The following PROS1 variants were observed in gnomAD, a reference collection of about 807,000 sequenced individuals.
PROS1 encodes vitamin K-dependent protein S.
Under a neutral mutation model 75.9 loss-of-function variants are expected in PROS1, and 29 were observed. That is an observed-to-expected ratio of 0.38 (90% CI 0.28 to 0.52). The LOEUF (loss-of-function observed/expected upper bound fraction) is 0.52, where lower values mean the gene tolerates loss of function less well. PROS1 is among the 20% of genes least tolerant of loss of function. The probability of loss-of-function intolerance (pLI) is 0.83; values close to 1 mark genes in which losing one functional copy is unlikely to be tolerated. For synonymous variants in PROS1, 245 were observed against 280.6 expected (o/e 0.87, Z 1.27); for missense variants, 680 against 810.3 (o/e 0.84, Z 1.95).
chr3:93,909,552 T>A (rs1010961534), intron 4 of PROS1, among the ~76,000 whole-genome samples: 9 of 152,188 alleles, frequency 5.9e-5, no homozygotes, highest in Non-Finnish European at 8.8e-5. Flanking sequence ...ATTTGTTTTT[T>A]ATTTGTAATT....
At chr3:93,950,963 C>G (rs1408046685) in intron 1 of PROS1, among the ~76,000 whole-genome samples, 3 of 152,076 alleles carry the variant, frequency 2.0e-5, no homozygotes, top group Admixed American at 2.0e-4. Context: ...GAATGGCTAA[C>G]AGGAATAAAC....
At chr3:93,885,522 G>A (rs1198557380) in intron 11 of PROS1, among the ~76,000 whole-genome samples, 1 of 152,130 alleles carries the variant, frequency 6.6e-6, no homozygotes, top group Non-Finnish European at 1.5e-5. Flanking sequence ...CACCACGCCT[G>A]GCCTTGTTTT....
chr3:93,933,618 T>C (rs2107213050), intron 1 of PROS1, among the ~76,000 whole-genome samples: 1 of 151,464 alleles, frequency 6.6e-6, no homozygotes, highest in South Asian at 2.1e-4. Flanking sequence ...ATTGCATATA[T>C]TATTTAAAAA....
At chr3:93,958,945 G>T (rs928022546) in intron 1 of PROS1, among the ~76,000 whole-genome samples, 1 of 152,176 alleles carries the variant, frequency 6.6e-6, no homozygotes, top group Non-Finnish European at 1.5e-5. Flanking sequence ...AATCAATTTA[G>T]ATGTGAAAAT....
intron 6 of PROS1, among the ~76,000 whole-genome samples, chr3:93,905,270 G>A (rs545832455): frequency 8.5e-5 from 13 of 152,054 alleles, no homozygotes; most frequent in South Asian, 6.2e-4. Context: ...GTGTGTACAC[G>A]CACATACAAT....
chr3:93,932,639 G>T (rs1709122742), intron 1 of PROS1, among the ~76,000 whole-genome samples: 2 of 152,186 alleles, frequency 1.3e-5, no homozygotes, highest in Admixed American at 1.3e-4. Flanking sequence ...ACATGAACTG[G>T]AATTCTCTTT....
intron 12 of PROS1, among the ~76,000 whole-genome samples, chr3:93,884,427 G>T (rs529426310): frequency 6.6e-6 from 1 of 152,292 alleles, no homozygotes; most frequent in African/African-American, 2.4e-5. Flanking sequence ...TTCATTGATA[G>T]ACTCCATACA....
chr3:93,889,458 T>C (rs913058823), intron 10 of PROS1, among the ~76,000 whole-genome samples: 1 of 152,206 alleles, frequency 6.6e-6, no homozygotes, highest in African/African-American at 2.4e-5. Flanking sequence ...AGATAAGATG[T>C]AATCATTTAT....
At chr3:93,951,506 G>C (rs568486582) in intron 1 of PROS1, among the ~76,000 whole-genome samples, 3 of 152,274 alleles carry the variant, frequency 2.0e-5, no homozygotes, top group Admixed American at 1.3e-4. Context: ...AGCTTCATAA[G>C]TGAAGGAGAA....
chr3:93,911,569 C>T (rs1305835330), intron 3 of PROS1, among the ~76,000 whole-genome samples: 2 of 152,270 alleles, frequency 1.3e-5, no homozygotes, highest in East Asian at 3.9e-4. Context: ...GGTTGTTTGT[C>T]TCTGCTGCCA....
At chr3:93,916,067 C>T (rs1028670232) in intron 3 of PROS1, among the ~76,000 whole-genome samples, 1 of 152,048 alleles carries the variant, frequency 6.6e-6, no homozygotes, top group African/African-American at 2.4e-5. Context: ...TATTAAGGTG[C>T]TAATCATCTG....
rs779391826 is a variant in PROS1 at position 93,905,828 on chromosome 3, C to G, written c.557G>C (p.Cys186Ser). ...TGAAAGCATAACAAAACCATTTTTA[C>G]AGGAACAGTGGTAACTTCCAGGTGT... Reference protein sequence around the residue: ...DNTPGSYHCSCKNGFVMLSNK... With the variant: ...DNTPGSYHCSSKNGFVMLSNK... The change falls in exon 6 of 15, where the codon TGT becomes TCT. Residue 186 changes from cysteine to serine, a missense_variant. Coordinates refer to ENST00000394236, the MANE Select transcript of PROS1 (RefSeq NM_000313.4). 6.2e-7 allele frequency: 1 copy of G among 1,612,814 alleles called. No individual in the cohort carries two copies. The highest frequency in any genetic ancestry group is 8.5e-7 in the Non-Finnish European group (1 of 1,179,018).
rs148724533 is a variant in PROS1 at position 93,874,668 on chromosome 3, G to A, written c.1871-263C>T. 0.017 allele frequency among the ~76,000 whole-genome samples: 2,646 copies of A among 152,174 alleles called. 91 individuals are homozygous for A. Among genetic ancestry groups the A allele is most frequent in the African/African-American group, 0.061 (2,516 of 41,542 alleles). ...TTTAAACTTAAACACATTTGAGGGA[G>A]AGTAGAAACAAGCATATTCTTGTGA... On this transcript the variant is annotated intron_variant, in intron 14 of 14. Transcript: ENST00000394236.
intron 3 of PROS1, among the ~76,000 whole-genome samples, chr3:93,917,338 C>T (rs997488273): frequency 2.0e-5 from 3 of 152,142 alleles, no homozygotes; most frequent in Non-Finnish European, 4.4e-5. Flanking sequence ...GAGTCTCTGT[C>T]GCCCAGGCTG....
At chr3:93,891,130 A>C (rs1708425736) in intron 10 of PROS1, among the ~76,000 whole-genome samples, 1 of 152,072 alleles carries the variant, frequency 6.6e-6, no homozygotes, top group Admixed American at 6.6e-5. Flanking sequence ...GATGATAAAT[A>C]AATAAATAAC....
Position 93,910,635 on chromosome 3 carries a change from T to C in PROS1, c.330A>G (p.Leu110=), listed in dbSNP as rs201089893. The C allele has an allele frequency of 3.7e-6, 6 of 1,613,108 alleles. No homozygotes were observed. The highest frequency in any genetic ancestry group is 5.1e-6 in the Non-Finnish European group (6 of 1,179,170). ...ARQSTNAYPD[L]RSCVNAIPDQ... ...AGTGCTTACCATTGACACAGCTTCT[T>C]AGGTCAGGATAAGCATTAGTTGACT... Residue 110 remains leucine, a synonymous_variant, in exon 4 of 15, where the codon CTA becomes CTG. Coordinates refer to ENST00000394236, the MANE Select transcript of PROS1 (RefSeq NM_000313.4).
intron 3 of PROS1, among the ~76,000 whole-genome samples, chr3:93,920,091 G>T (rs1708924598): frequency 6.6e-6 from 1 of 151,982 alleles, no homozygotes; most frequent in Admixed American, 6.6e-5. Flanking sequence ...AAACAAGATT[G>T]CTCTGAACAT....
At chr3:93,878,627 C>T (rs768077762) in intron 13 of PROS1, among the ~76,000 whole-genome samples, 7 of 152,214 alleles carry the variant, frequency 4.6e-5, no homozygotes, top group Non-Finnish European at 8.8e-5. Context: ...TGTTCTTCCT[C>T]CTAATTTCAA....
At chr3:93,908,166 T>G (rs1708704715) in intron 4 of PROS1, among the ~76,000 whole-genome samples, 1 of 152,100 alleles carries the variant, frequency 6.6e-6, no homozygotes, top group African/African-American at 2.4e-5. Flanking sequence ...AAATTTTCAA[T>G]TTGGACTAAG....
Sources: allele counts gnomAD v4.1 joint callset (sites outside exome capture counted in the v4.1 genomes callset), GRCh38; gene constraint gnomAD v4.1.1; transcripts MANE v1.5; gene names NCBI Gene and HGNC (gene_info 2026-07-23, HGNC 2026-07-21).